Variants in RGS6 observed in about 807,000 individuals in gnomAD.
RGS6 encodes regulator of G protein signaling 6, also known as regulator of G-protein signaling 6.
A neutral mutation model predicts 78.5 loss-of-function variants in RGS6; 30 were observed. The observed-to-expected ratio is 0.38, with a 90% confidence interval of 0.29 to 0.52. RGS6 has a LOEUF of 0.52. Ranked by LOEUF, RGS6 falls within the 20% of genes least tolerant of loss-of-function variation. The pLI is 0.85. For synonymous variants in RGS6, 206 were observed against 206.0 expected (o/e 1.00, Z 0.00); for missense variants, 495 against 609.7 (o/e 0.81, Z 1.98).
chr14:72,084,363 C>T (rs1395470067), intron 2 of RGS6, among the ~76,000 whole-genome samples: 1 of 152,154 alleles, frequency 6.6e-6, no homozygotes, highest in Non-Finnish European at 1.5e-5. Flanking sequence ...CAGTTCCTAA[C>T]AGGCCACAGA....
At chr14:72,604,359 T>C in the RGS6 span, among the ~76,000 whole-genome samples, 4 of 152,222 alleles carry the variant, frequency 2.6e-5, no homozygotes, top group Admixed American at 2.6e-4. Context: ...CAAAGTCTTA[T>C]ACATTCTTCA....
chr14:72,306,844 A>G (rs1409328795), intron 2 of RGS6, among the ~76,000 whole-genome samples: 1 of 152,240 alleles, frequency 6.6e-6, no homozygotes, highest in Non-Finnish European at 1.5e-5. Context: ...AATGACAACA[A>G]AGTATTTAGA....
At chr14:72,343,791 C>T (rs547737121) in intron 2 of RGS6, among the ~76,000 whole-genome samples, 11 of 152,272 alleles carry the variant, frequency 7.2e-5, no homozygotes, top group Admixed American at 2.0e-4. Flanking sequence ...AACAATTTAC[C>T]GTTCCCAAAT....
In RGS6 at chr14:72,133,414, A is replaced by G. The variant is rs566061031; in HGVS notation, c.84+168539A>G. On this transcript the variant is annotated intron_variant, in intron 2 of 17. Transcript: ENST00000553525. ...CTTTGCGATACACAGGAAAGGGAACATTAAGAGGAGCACACTGAGACTTTA... is the reference window on the plus strand; with the variant it reads ...CTTTGCGATACACAGGAAAGGGAACGTTAAGAGGAGCACACTGAGACTTTA... Among the ~76,000 whole-genome samples the G allele has an allele frequency of 2.0e-5, 3 of 152,300 alleles. No homozygotes were observed. In the East Asian group the frequency reaches 5.8e-4, roughly 29 times the overall value.
chr14:72,211,761 C>T (rs1476121624), intron 2 of RGS6, among the ~76,000 whole-genome samples: 1 of 152,140 alleles, frequency 6.6e-6, no homozygotes, highest in East Asian at 1.9e-4. Context: ...ATTTAGGAAA[C>T]CATGTCCAGC....
At chr14:72,145,026 G>A (rs986518582) in intron 2 of RGS6, among the ~76,000 whole-genome samples, 3 of 152,064 alleles carry the variant, frequency 2.0e-5, no homozygotes, top group African/African-American at 4.8e-5. Context: ...GTCGAAGTGA[G>A]TTTTTCTTGC....
At chr14:72,242,870 A>G (rs1228429853) in intron 2 of RGS6, among the ~76,000 whole-genome samples, 2 of 92,706 alleles carry the variant, frequency 2.2e-5, no homozygotes, top group African/African-American at 4.4e-5. Flanking sequence ...TTTTTTTGAG[A>G]TGGAGTCTCG....
At chr14:72,171,268 C>T (rs578245647) in intron 2 of RGS6, among the ~76,000 whole-genome samples, 28 of 152,138 alleles carry the variant, frequency 1.8e-4, no homozygotes, top group Middle Eastern at 3.4e-3. Flanking sequence ...TGGACCTGTG[C>T]ATGAACACAC....
chr14:72,295,256 A>G (rs1347045213), intron 2 of RGS6, among the ~76,000 whole-genome samples: 8 of 148,738 alleles, frequency 5.4e-5, no homozygotes, highest in African/African-American at 2.0e-4. Context: ...CCGCCACTGC[A>G]CTCCAGCCTG....
chr14:71,924,791 CATA>C, the RGS6 span, among the ~76,000 whole-genome samples: 1 of 152,098 alleles, frequency 6.6e-6, no homozygotes, highest in Non-Finnish European at 1.5e-5. Context: ...TCTAAATCTA[CATA>C]ATAACAGTTT....
intron 2 of RGS6, among the ~76,000 whole-genome samples, chr14:72,228,761 C>T (rs562884819): frequency 6.4e-4 from 97 of 152,068 alleles, no homozygotes; most frequent in Admixed American, 5.9e-4. Flanking sequence ...GATTCTAGTT[C>T]GGGGCTGGGC....
intron 2 of RGS6, among the ~76,000 whole-genome samples, chr14:72,303,738 T>C (rs1165949237): frequency 1.3e-5 from 2 of 152,224 alleles, no homozygotes; most frequent in African/African-American, 2.4e-5. Context: ...TTGTGTTGTG[T>C]GTTTCAGCCA....
chr14:72,115,595 G>T (rs1414273263), intron 2 of RGS6, among the ~76,000 whole-genome samples: 1 of 152,066 alleles, frequency 6.6e-6, no homozygotes, highest in African/African-American at 2.4e-5. Flanking sequence ...TCTGCTTCCT[G>T]CCCCCTCAGC....
intron 2 of RGS6, among the ~76,000 whole-genome samples, chr14:72,102,336 T>C (rs2095545677): frequency 6.6e-6 from 1 of 152,100 alleles, no homozygotes; most frequent in Admixed American, 6.5e-5. Context: ...TATTAGTATG[T>C]GTACAGAAAA....
intron 2 of RGS6, among the ~76,000 whole-genome samples, chr14:72,338,080 C>T (rs147427337): frequency 0.011 from 1,626 of 152,294 alleles, 13 homozygotes; most frequent in Middle Eastern, 0.031. Flanking sequence ...AGATATGGGC[C>T]TCCCCTTGAC....
chr14:72,066,721 A>G (rs11624379), intron 2 of RGS6, among the ~76,000 whole-genome samples: 183 of 152,200 alleles, frequency 1.2e-3, no homozygotes, highest in Non-Finnish European at 1.9e-3. Flanking sequence ...CAGGAAAAAA[A>G]ATACAGTTTC....
rs1376112020 is a variant in RGS6, at chr14:71,966,302, C to G, written c.84+1427C>G. ...CTCTTTTCCTTGTAAAAATAGAGTT[C>G]TCAAATTATTCTGGCTTTGAGTGTA... is the stretch of plus-strand genomic sequence containing the variant. On this transcript the variant is annotated intron_variant, in intron 2 of 17. Coordinates refer to ENST00000553525, the MANE Select transcript of RGS6 (RefSeq NM_001204424.2). Among the ~76,000 whole-genome samples, 5 of 152,222 alleles carry G rather than the reference C, an allele frequency of 3.3e-5. No homozygotes were observed. In the East Asian group the frequency reaches 9.6e-4, roughly 29 times the overall value.
At chr14:72,626,315 G>A in the RGS6 span, among the ~76,000 whole-genome samples, 1 of 151,962 alleles carries the variant, frequency 6.6e-6, no homozygotes, top group Non-Finnish European at 1.5e-5. Flanking sequence ...TCCCAGACCC[G>A]TGTAGGTAAC....
chr14:72,349,028 T>C (rs558149445), intron 2 of RGS6, among the ~76,000 whole-genome samples: 3 of 151,886 alleles, frequency 2.0e-5, no homozygotes, highest in Admixed American at 6.6e-5. Flanking sequence ...TAGCCAGGCG[T>C]GGTGGCAGGC....
Sources: allele counts gnomAD v4.1 joint callset (sites outside exome capture counted in the v4.1 genomes callset), GRCh38; gene constraint gnomAD v4.1.1; transcripts MANE v1.5; gene names NCBI Gene and HGNC (gene_info 2026-07-23, HGNC 2026-07-21).